The following PIBF1 variants were observed in gnomAD, a reference collection of about 807,000 sequenced individuals.
PIBF1 encodes the protein progesterone immunomodulatory binding factor 1, also known as progesterone-induced-blocking factor 1.
A neutral mutation model predicts 112.5 loss-of-function variants in PIBF1; 90 were observed. The ratio of observed to expected loss-of-function variants is 0.80; its 90% confidence interval spans 0.67 to 0.95. PIBF1 has a LOEUF of 0.95. Among genes scored for constraint, PIBF1 ranks in the 40% least tolerant of loss-of-function variants. The probability of loss-of-function intolerance (pLI) is 0.00; values close to 1 mark genes in which losing one functional copy is unlikely to be tolerated. For missense variants in PIBF1, 915 were observed against 852.3 expected (o/e 1.07, Z -0.92); for synonymous variants, 301 against 288.6 (o/e 1.04, Z -0.44).
intron 14 of PIBF1, among the ~76,000 whole-genome samples, chr13:72,936,491 G>T (rs944191323): frequency 6.6e-6 from 1 of 152,098 alleles, no homozygotes; most frequent in Admixed American, 6.6e-5. Context: ...CATAGTTTTA[G>T]GTCTGTGATT....
At chr13:72,821,815 G>A (rs1223604483) in intron 5 of PIBF1, 34 bp from the exon 6 acceptor site, 1 of 1,561,190 alleles carries the variant, frequency 6.4e-7, no homozygotes, top group African/African-American at 1.4e-5. Context: ...TAAGTGTTTA[G>A]TCTGAAATGT....
intron 9 of PIBF1, chr13:72,836,186 G>T: frequency 2.4e-6 from 1 of 420,094 alleles, no homozygotes; most frequent in Non-Finnish European, 4.7e-6. Context: ...GTTAGTGATT[G>T]GCAGAATTCA....
chr13:72,997,871 C>G (rs952579356), intron 16 of PIBF1, among the ~76,000 whole-genome samples: 11 of 4,598 alleles, frequency 2.4e-3, no homozygotes, highest in African/African-American at 4.2e-3. Context: ...AGTAATTAAT[C>G]ATAAATACCC....
chr13:72,903,854 G>A (rs1594162840), intron 11 of PIBF1, among the ~76,000 whole-genome samples: 1 of 152,266 alleles, frequency 6.6e-6, no homozygotes, highest in African/African-American at 2.4e-5. Context: ...TTTGAACCCA[G>A]TTACTCACCA....
At chr13:72,821,496 T>C (rs1468703958) in intron 5 of PIBF1, among the ~76,000 whole-genome samples, 4 of 152,222 alleles carry the variant, frequency 2.6e-5, no homozygotes, top group African/African-American at 9.6e-5. Flanking sequence ...GGAAGTGTGT[T>C]TTATTCACTT....
chr13:73,001,600 TGACACTTAGGTC>T (rs2043871349), intron 17 of PIBF1, among the ~76,000 whole-genome samples: 13 of 140,912 alleles, frequency 9.2e-5, no homozygotes, highest in South Asian at 2.3e-4. Context: ...TTTTTTTTTT[TGACACTTAGGTC>T]TTCTTCTGAA....
At chr13:72,831,797 C>G (rs1473151653) in intron 8 of PIBF1, among the ~76,000 whole-genome samples, 1 of 152,038 alleles carries the variant, frequency 6.6e-6, no homozygotes, top group East Asian at 1.9e-4. Flanking sequence ...TCCTGAATAT[C>G]CTTGTTAATT....
chr13:72,945,623 G>A (rs1480495631), intron 14 of PIBF1, among the ~76,000 whole-genome samples: 5 of 152,150 alleles, frequency 3.3e-5, no homozygotes, highest in Non-Finnish European at 5.9e-5. Flanking sequence ...TTTTTCTGGT[G>A]ATTAGTGATG....
chr13:72,900,196 T>C (rs2040431474), intron 11 of PIBF1, among the ~76,000 whole-genome samples: 1 of 152,014 alleles, frequency 6.6e-6, no homozygotes, highest in Non-Finnish European at 1.5e-5. Flanking sequence ...TCTACAAATT[T>C]AATGCAACCC....
chr13:72,824,180 AT>A (rs10630564), intron 6 of PIBF1, among the ~76,000 whole-genome samples: 112 of 141,664 alleles, frequency 7.9e-4, no homozygotes, highest in East Asian at 1.0e-3. Flanking sequence ...TGCCCAGCTA[AT>A]TTTTTTTTTT....
intron 2 of PIBF1, among the ~76,000 whole-genome samples, chr13:72,789,094 G>A (rs2034756149): frequency 6.6e-6 from 1 of 152,160 alleles, no homozygotes. Context: ...CCTGATAGTA[G>A]AGCATTGTTA....
intron 16 of PIBF1, among the ~76,000 whole-genome samples, chr13:72,985,458 G>C (rs9318131): frequency 7.2e-4 from 108 of 150,862 alleles, no homozygotes; most frequent in African/African-American, 2.5e-3. Flanking sequence ...GAGAATGGCT[G>C]AACCCGGGAG....
rs144801390 is a variant in PIBF1 at position 72,870,377 on chromosome 13, C to T, written c.1322+16222C>T. 7.5e-3 allele frequency among the ~76,000 whole-genome samples: 1,146 copies of T among 152,232 alleles called. 13 individuals are homozygous for T. The highest frequency in any genetic ancestry group is 0.024 in the Middle Eastern group (7 of 294). On this transcript the variant is annotated intron_variant, in intron 10 of 17. Coordinates refer to ENST00000326291, the MANE Select transcript of PIBF1 (RefSeq NM_006346.4). ...AGTACATCAAAAGGCAAAAGAGAAA[C>T]GTATCTCTCCCCATGGTTTCAGATG...
At chr13:72,863,851 A>G (rs2138385175) in intron 10 of PIBF1, among the ~76,000 whole-genome samples, 1 of 152,336 alleles carries the variant, frequency 6.6e-6, no homozygotes, top group Non-Finnish European at 1.5e-5. Flanking sequence ...GAGATTTCCA[A>G]GAGGGAAAGT....
chr13:72,821,301 C>G (rs1015724116), intron 5 of PIBF1, among the ~76,000 whole-genome samples: 2 of 152,166 alleles, frequency 1.3e-5, no homozygotes, highest in Admixed American at 6.6e-5. Flanking sequence ...TCTTAACATG[C>G]TACTGACATG....
chr13:72,916,164 A>C (rs1594189367), intron 12 of PIBF1, among the ~76,000 whole-genome samples: 2 of 151,830 alleles, frequency 1.3e-5, no homozygotes, highest in African/African-American at 4.8e-5. Flanking sequence ...TGAGGCAGGC[A>C]GATCACCTGA....
chr13:72,936,995 A>G (rs1041550159), intron 14 of PIBF1, among the ~76,000 whole-genome samples: 4 of 152,156 alleles, frequency 2.6e-5, no homozygotes, highest in African/African-American at 9.7e-5. Flanking sequence ...ATAACTAAAA[A>G]CTGTCAACTG....
intron 14 of PIBF1, among the ~76,000 whole-genome samples, chr13:72,949,119 A>G (rs887181540): frequency 6.6e-6 from 1 of 152,158 alleles, no homozygotes; most frequent in Non-Finnish European, 1.5e-5. Context: ...CAGAGAACAT[A>G]CTGAATACTG....
At chr13:72,869,359 T>G (rs558048105) in intron 10 of PIBF1, among the ~76,000 whole-genome samples, 47 of 150,160 alleles carry the variant, frequency 3.1e-4, no homozygotes, top group African/African-American at 1.2e-3. Context: ...AGTAAACTAT[T>G]GCAAGGACAA....
Sources: gnomAD v4.1 joint callset for allele counts (sites outside exome capture counted in the v4.1 genomes callset) on GRCh38, gnomAD v4.1.1 for gene constraint, MANE v1.5 for transcripts, NCBI Gene and HGNC (gene_info 2026-07-23, HGNC 2026-07-21) for gene names.